Variants in FAM151A observed in about 807,000 individuals in gnomAD.
The protein encoded by FAM151A is protein FAM151A.
In FAM151A, 41 loss-of-function variants were observed where a neutral mutation model predicts 40.4. The observed-to-expected ratio is 1.01, with a 90% confidence interval of 0.79 to 1.32. The LOEUF is 1.32. Ranked by LOEUF, FAM151A falls within the 40% of genes most tolerant of loss-of-function variation. The pLI, the probability that FAM151A is intolerant of heterozygous loss-of-function variation, is 0.00. For synonymous variants in FAM151A, 337 were observed against 312.5 expected (o/e 1.08, Z -0.83); for missense variants, 740 against 740.4 (o/e 1.00, Z 0.01).
rs770059133 is a variant in FAM151A, at chr1:54,609,944, G to A, written c.1085-3C>T. On this transcript the variant is annotated splice_polypyrimidine_tract_variant and splice_region_variant and intron_variant, in intron 7 of 7. Transcript: ENST00000302250. ...CAGCAGGATCATGCCTTCTGTGTCT[G>A]GAAGAGGCGGCAGAGGCAACAGTGT... 1.9e-6 allele frequency: 3 copies of A among 1,600,176 alleles called. No individual in the cohort carries two copies. Among genetic ancestry groups the A allele is most frequent in the African/African-American group, 2.7e-5 (2 of 74,858 alleles).
chr1:54,609,907 G>C lies in FAM151A; in HGVS notation c.1119C>G (p.Leu373=), dbSNP rs375715496. The change falls in exon 8 of 8, where the codon CTC becomes CTG. Residue 373 remains leucine, a synonymous_variant. Coordinates refer to ENST00000302250, the MANE Select transcript of FAM151A (RefSeq NM_176782.3). ...TEGMILLNTG[L]EGTVAENPVP... ...CGGGGTTTTCAGCCACAGTTCCCTCGAGGCCAGTGTTCAGCAGGATCATGC... is the reference window on the plus strand; with the variant it reads ...CGGGGTTTTCAGCCACAGTTCCCTCCAGGCCAGTGTTCAGCAGGATCATGC... 4 of 1,610,016 alleles carry C rather than the reference G, an allele frequency of 2.5e-6. No individual in the cohort carries two copies. The African/African-American group carries it at 4.0e-5, about 16-fold the overall frequency.
At chr1:54,610,388 C>G in intron 7 of FAM151A, 24 bp downstream of exon 7, 1 of 1,608,670 alleles carries the variant, frequency 6.2e-7, no homozygotes, top group Non-Finnish European at 8.5e-7. Flanking sequence ...GCTGGGAGCA[C>G]CGGGGCTGAA....
In FAM151A at chr1:54,609,389, C is replaced by T. The variant is rs2289015; in HGVS notation, c.1637G>A (p.Gly546Asp). The change falls in exon 8 of 8, where the codon GGC (glycine) becomes GAC (aspartate). Residue 546 changes from glycine (G) to aspartate (D), a missense_variant. Coordinates refer to ENST00000302250, the MANE Select transcript of FAM151A (RefSeq NM_176782.3). ...TVTVEHNPAG[G>D]DYASVRTALL... ...TGCTGTCCTCACAGAGGCATAGTCG[C>T]CCCCAGCTGGGTTGTGCTCCACTGT... 0.043 allele frequency: 69,061 copies of T among 1,614,020 alleles called. 2,634 individuals carry two copies. Among genetic ancestry groups the T allele is most frequent in the Admixed American group, 0.16 (9,887 of 60,024 alleles).
chr1:54,615,613 C>T (rs765264231), intron 3 of FAM151A, among the ~76,000 whole-genome samples: 11 of 150,232 alleles, frequency 7.3e-5, no homozygotes, highest in Non-Finnish European at 1.3e-4. Context: ...ACTGAGTTGC[C>T]GTGAGGATGA....
At position 54,612,578 on chromosome 1, in the gene FAM151A, T is replaced by G. The variant is rs1361419439; in HGVS notation, c.708A>C (p.Gly236=). The change falls in exon 5 of 8, where the codon GGA becomes GGC. Residue 236 remains glycine (G), a synonymous_variant. Transcript: ENST00000302250. ...GGAAGGTGACCCTCTGGGGCACTCC[T>G]CCCACCAGCTCGTGCATCTTCTCCA... ...AMVEKMHELV[G]GVPQRVTFPV... is the part of the protein sequence containing the mutation. 3 of 1,614,082 alleles carry G rather than the reference T, an allele frequency of 1.9e-6. No individual in the cohort carries two copies. The highest frequency in any genetic ancestry group is 2.5e-6 in the Non-Finnish European group (3 of 1,180,002).
chr1:54,611,644 A>G lies in FAM151A; in HGVS notation c.902T>C (p.Ile301Thr). Residue 301 changes from isoleucine to threonine, a missense_variant, in exon 6 of 8, where the codon ATC becomes ACC. Physicochemically the swap from Ile to Thr is moderately conservative, Grantham distance 89. Coordinates refer to ENST00000302250, the MANE Select transcript of FAM151A (RefSeq NM_176782.3). ...GAACTGTGACAGGAGAGGCTCAAAG[A>G]TGTCATAGTAGACTTGGTGGACAGC... is the stretch of plus-strand genomic sequence containing the variant. ...NTAVHQVYYD[I>T]FEPLLSQFKQ... The G allele has an allele frequency of 6.2e-7, 1 of 1,613,960 alleles. No homozygotes were observed. The highest frequency in any genetic ancestry group is 8.5e-7 in the Non-Finnish European group (1 of 1,179,960).
chr1:54,617,131 C>T (rs1174664996), intron 2 of FAM151A, among the ~76,000 whole-genome samples: 1 of 152,216 alleles, frequency 6.6e-6, no homozygotes, highest in African/African-American at 2.4e-5. Context: ...TTTAGCTTCA[C>T]ATAGTTAACT....
intron 1 of FAM151A, among the ~76,000 whole-genome samples, chr1:54,622,255 GAC>G (rs1322532461): frequency 2.5e-5 from 3 of 119,416 alleles, no homozygotes; most frequent in African/African-American, 9.7e-5. Flanking sequence ...TAGGCTGAGT[GAC>G]AGAGTGAGAC....
intron 1 of FAM151A, among the ~76,000 whole-genome samples, chr1:54,620,357 G>A (rs1051542057): frequency 6.6e-6 from 1 of 152,236 alleles, no homozygotes; most frequent in Non-Finnish European, 1.5e-5. Flanking sequence ...GAGTGCAGTT[G>A]CCTGAAGAGC....
chr1:54,611,415 T>A (rs1013452886), intron 6 of FAM151A, among the ~76,000 whole-genome samples, 191 bp downstream of exon 6: 5 of 151,946 alleles, frequency 3.3e-5, no homozygotes, highest in Admixed American at 2.0e-4. Context: ...AATAAATAAA[T>A]AAAAATAAAA....
intron 1 of FAM151A, among the ~76,000 whole-genome samples, chr1:54,622,965 A>C (rs538910976): frequency 1.3e-5 from 2 of 152,018 alleles, no homozygotes; most frequent in Non-Finnish European, 2.9e-5. Flanking sequence ...ACCTGAGGTC[A>C]GGAGTTCGAG....
At chr1:54,614,974 G>T in intron 3 of FAM151A, 115 bp from the exon 4 acceptor site, 1 of 887,732 alleles carries the variant, frequency 1.1e-6, no homozygotes, top group South Asian at 1.7e-5. Context: ...GCACAGTGGA[G>T]TCAGGGGAGG....
intron 3 of FAM151A, among the ~76,000 whole-genome samples, chr1:54,615,543 T>G (rs866776857): frequency 6.6e-6 from 1 of 151,780 alleles, no homozygotes; most frequent in Non-Finnish European, 1.5e-5. Context: ...CCTGGAGAGA[T>G]ACAGTGTTGC....
intron 2 of FAM151A, among the ~76,000 whole-genome samples, chr1:54,618,063 C>T (rs963793678): frequency 1.3e-5 from 2 of 151,618 alleles, no homozygotes; most frequent in Non-Finnish European, 2.9e-5. Flanking sequence ...CCCAGGGATG[C>T]GCCTGCTGCT....
At position 54,611,513 on chromosome 1, in the gene FAM151A, A is replaced by T. The variant is rs908665457; in HGVS notation, c.940+93T>A. 1.2e-5 allele frequency: 16 copies of T among 1,290,954 alleles called. No homozygotes were observed. The African/African-American group carries it at 1.8e-4, about 14-fold the overall frequency. The allele number at this position is 1,290,954 out of a possible 1,614,324, so 80.0% of individuals were successfully genotyped here. The stretch of plus-strand genomic sequence containing the variant: ...TCCCACCCCGGCCTTCCCCCTTCTG[A>T]TATCCCTTCCACCCAGCTCTGCTCC... On this transcript the variant is annotated intron_variant, in intron 6 of 7. Transcript: ENST00000302250.
At chr1:54,615,096 G>A (rs1644159215) in intron 3 of FAM151A, among the ~76,000 whole-genome samples, 1 of 152,168 alleles carries the variant, frequency 6.6e-6, no homozygotes, top group African/African-American at 2.4e-5. Context: ...TCTCCTGCGG[G>A]GAGGAAACAG....
At chr1:54,618,277 G>A (rs1469835899) in intron 2 of FAM151A, among the ~76,000 whole-genome samples, 1 of 152,170 alleles carries the variant, frequency 6.6e-6, no homozygotes, top group African/African-American at 2.4e-5. Context: ...CCCGAGAAGG[G>A]CGGATCACTT....
intron 6 of FAM151A, chr1:54,611,019 G>T (rs1039886128): frequency 4.1e-6 from 4 of 985,244 alleles, no homozygotes; most frequent in Non-Finnish European, 1.2e-6. Flanking sequence ...AATAATGGGG[G>T]GTTTGGAATT....
At chr1:54,612,785 T>A in intron 4 of FAM151A, 75 bp from the exon 5 acceptor site, 1 of 1,073,846 alleles carries the variant, frequency 9.3e-7, no homozygotes, top group South Asian at 1.3e-5. Flanking sequence ...CTCATCACAG[T>A]GCTAGGGAGT....
Sources: gnomAD v4.1 joint callset for allele counts (sites outside exome capture counted in the v4.1 genomes callset) on GRCh38, gnomAD v4.1.1 for gene constraint, MANE v1.5 for transcripts, NCBI Gene and HGNC (gene_info 2026-07-23, HGNC 2026-07-21) for gene names.